SGIP1: variants seen among roughly 807,000 people sequenced by gnomAD.
SGIP1 encodes the protein SH3-containing GRB2-like protein 3-interacting protein 1.
A neutral mutation model predicts 107.5 loss-of-function variants in SGIP1; 38 were observed. The observed-to-expected ratio is 0.35, with a 90% CI of 0.27 to 0.46. The LOEUF is 0.46. SGIP1 is among the 20% of genes least tolerant of loss of function. The pLI, the probability that SGIP1 is intolerant of heterozygous loss-of-function variation, is 1.00. For missense variants in SGIP1, 929 were observed against 1,019.5 expected, an observed-to-expected ratio of 0.91 and a Z score of 1.21; for synonymous variants, 365 against 366.1, an observed-to-expected ratio of 1.00 and a Z score of 0.03.
At chr1:66,644,291 T>C (rs138812979) in intron 7 of SGIP1, among the ~76,000 whole-genome samples, 378 of 152,238 alleles carry the variant, frequency 2.5e-3, no homozygotes, top group African/African-American at 8.7e-3. Context: ...ATAAGTATTG[T>C]CCTATTTATA....
chr1:66,647,496 T>TA (rs2077860079), intron 7 of SGIP1, among the ~76,000 whole-genome samples: 1 of 152,164 alleles, frequency 6.6e-6, no homozygotes, highest in African/African-American at 2.4e-5. Context: ...AACAAATGGC[T>TA]ATTGGTGGAC....
intron 15 of SGIP1, among the ~76,000 whole-genome samples, chr1:66,685,739 C>T (rs2088046077): frequency 6.6e-6 from 1 of 152,150 alleles, no homozygotes; most frequent in African/African-American, 2.4e-5. Flanking sequence ...ATTTTAGTTG[C>T]TTAACATTAA....
At chr1:66,698,385 T>TG (rs2091328510) in intron 18 of SGIP1, among the ~76,000 whole-genome samples, 1 of 151,342 alleles carries the variant, frequency 6.6e-6, no homozygotes, top group Non-Finnish European at 1.5e-5. Flanking sequence ...ATGACTTTTT[T>TG]TTTTTTTTTT....
intron 1 of SGIP1, among the ~76,000 whole-genome samples, chr1:66,613,474 C>T (rs981054984): frequency 1.3e-4 from 20 of 152,226 alleles, no homozygotes; most frequent in African/African-American, 4.6e-4. Context: ...GGGTTACAGG[C>T]GCATACCACT....
chr1:66,689,165 C>G lies in SGIP1; in HGVS notation c.1333C>G (p.Arg445Gly). 2 of 1,613,300 alleles carry G rather than the reference C, an allele frequency of 1.2e-6. No individual in the cohort carries two copies. The highest frequency in any genetic ancestry group is 1.7e-6 in the Non-Finnish European group (2 of 1,179,656). ...GTTSGASSPA[R>G]PATPLVPCRS... The stretch of plus-strand genomic sequence containing the variant: ...TTTTTCAGGTGCATCATCCCCTGCT[C>G]GACCAGCCACTCCTTTGGTTCCTTG... Residue 445 changes from arginine (R) to glycine (G), a missense_variant, in exon 16 of 25, where the codon CGA (arginine) becomes GGA (glycine). Arg to Gly is a moderately radical substitution (Grantham distance 125). Coordinates refer to ENST00000371037, the MANE Select transcript of SGIP1 (RefSeq NM_032291.4).
At chr1:66,592,452 G>A (rs1216029811) in intron 1 of SGIP1, among the ~76,000 whole-genome samples, 2 of 152,202 alleles carry the variant, frequency 1.3e-5, no homozygotes, top group African/African-American at 4.8e-5. Context: ...AGCATCTCAA[G>A]GCAGAAGAAT....
At chr1:66,647,164 G>A (rs946901977) in intron 7 of SGIP1, among the ~76,000 whole-genome samples, 7 of 152,186 alleles carry the variant, frequency 4.6e-5, no homozygotes, top group Non-Finnish European at 7.4e-5. Context: ...AGGTAAAAGA[G>A]TCTTACTCCA....
At chr1:66,596,162 C>T (rs1221677523) in intron 1 of SGIP1, among the ~76,000 whole-genome samples, 1 of 152,208 alleles carries the variant, frequency 6.6e-6, no homozygotes, top group Admixed American at 6.5e-5. Flanking sequence ...AGCTGGCGTG[C>T]CCCAGCTAAC....
rs77128504 is a variant in SGIP1 at position 66,544,359 on chromosome 1, A to G, written c.10+9991A>G. Among the ~76,000 whole-genome samples, 686 of 152,262 alleles carry G rather than the reference A, an allele frequency of 4.5e-3. 8 individuals carry two copies. Among genetic ancestry groups the G allele is most frequent in the African/African-American group, 0.016 (657 of 41,542 alleles). The stretch of plus-strand genomic sequence containing the variant: ...ATATTACCTTGCATTCCTTACCACA[A>G]GCAGTTTCCCAAAGTTGAAATACAG... On this transcript the variant is annotated intron_variant, in intron 1 of 24. Transcript: ENST00000371037.
intron 15 of SGIP1, among the ~76,000 whole-genome samples, chr1:66,686,635 C>G (rs2025594): frequency 0.14 from 21,350 of 152,108 alleles, 1,593 homozygotes; most frequent in Admixed American, 0.19. Flanking sequence ...CCCTGAACAT[C>G]CCCTGCTAAG....
intron 1 of SGIP1, among the ~76,000 whole-genome samples, chr1:66,539,946 C>G (rs1385295647): frequency 6.6e-6 from 1 of 152,124 alleles, no homozygotes; most frequent in Admixed American, 6.5e-5. Context: ...AGGCAGAAAT[C>G]TGGTCTACCA....
chr1:66,671,075 C>G (rs1402780932), intron 10 of SGIP1, 56 bp downstream of exon 10: 1 of 902,052 alleles, frequency 1.1e-6, no homozygotes, highest in African/African-American at 1.7e-5. Context: ...AGAACAGTTC[C>G]TTGGATCTTG....
At chr1:66,703,780 GT>G (rs1414662983) in intron 18 of SGIP1, among the ~76,000 whole-genome samples, 5 of 150,874 alleles carry the variant, frequency 3.3e-5, no homozygotes, top group Admixed American at 1.3e-4. Context: ...GATATATAAT[GT>G]TTTTGTATAT....
chr1:66,673,171 GCA>G, intron 11 of SGIP1, 108 bp from the exon 12 acceptor site: 14 of 1,060,448 alleles, frequency 1.3e-5, no homozygotes, highest in African/African-American at 1.6e-5. Context: ...ATGCACTGGT[GCA>G]CACACACACT....
At position 66,559,572 on chromosome 1, in the gene SGIP1, T is replaced by A. The variant is rs1353671539; in HGVS notation, c.10+25204T>A. Among the ~76,000 whole-genome samples, 6 of 152,128 alleles carry A rather than the reference T, an allele frequency of 3.9e-5. No individual in the cohort carries two copies. The East Asian group carries it at 1.2e-3, about 29-fold the overall frequency. Reference sequence around the variant, plus strand: ...AAAGCAAGCTTGAGGAGCAGTAGAGTACATGGCTCCGCAATGTCTTCAAAG... The same window carrying A: ...AAAGCAAGCTTGAGGAGCAGTAGAGAACATGGCTCCGCAATGTCTTCAAAG... On this transcript the variant is annotated intron_variant, in intron 1 of 24. Transcript: ENST00000371037.
chr1:66,585,570 T>TTGTGTGTGTGTGTGTGTGTG lies in SGIP1; in HGVS notation c.11-40273_11-40254dup, dbSNP rs113981156. Among the ~76,000 whole-genome samples the TTGTGTGTGTGTGTGTGTGTG allele has an allele frequency of 3.0e-3, 449 of 150,056 alleles. 3 individuals are homozygous for TTGTGTGTGTGTGTGTGTGTG. The highest frequency in any genetic ancestry group is 9.7e-3 in the African/African-American group (395 of 40,824). On this transcript the variant is annotated intron_variant, in intron 1 of 24. Transcript: ENST00000371037. ...GAAAAATTAAAAAGAGCTTTGGAGTTTGTGTGTGTGTGTGTGTGTGTGTTT... is the reference window on the plus strand; with the variant it reads ...GAAAAATTAAAAAGAGCTTTGGAGTTTGTGTGTGTGTGTGTGTGTGTGTGTGTGTGTGTGTGTGTGTGTTT...
intron 1 of SGIP1, among the ~76,000 whole-genome samples, chr1:66,618,768 G>C (rs1451094332): frequency 1.3e-5 from 2 of 152,180 alleles, no homozygotes; most frequent in African/African-American, 4.8e-5. Context: ...AGTGATTACA[G>C]AGAGAGAATT....
At chr1:66,601,315 A>AGATC (rs1476277518) in intron 1 of SGIP1, among the ~76,000 whole-genome samples, 2 of 152,204 alleles carry the variant, frequency 1.3e-5, no homozygotes, top group African/African-American at 4.8e-5. Context: ...CAGTGAGCCG[A>AGATC]GATCGCGCCA....
At chr1:66,729,998 C>A (rs370038858) in intron 20 of SGIP1, among the ~76,000 whole-genome samples, 1 of 152,012 alleles carries the variant, frequency 6.6e-6, no homozygotes, top group South Asian at 2.1e-4. Flanking sequence ...GATGGGGTTT[C>A]GCCATGTTGG....
Sources: allele counts gnomAD v4.1 joint callset (sites outside exome capture counted in the v4.1 genomes callset), GRCh38; gene constraint gnomAD v4.1.1; transcripts MANE v1.5; gene names NCBI Gene and HGNC (gene_info 2026-07-23, HGNC 2026-07-21).